AFG2A: variants seen among roughly 807,000 people sequenced by gnomAD.
The protein encoded by AFG2A is ATPase family gene 2 protein homolog A.
the AFG2A span, among the ~76,000 whole-genome samples, chr4:123,262,632 C>T: frequency 6.6e-6 from 1 of 152,182 alleles, no homozygotes; most frequent in African/African-American, 2.4e-5. Flanking sequence ...ATTTTTATAC[C>T]TTTTTCTCTT....
chr4:123,000,165 A>T, the AFG2A span, among the ~76,000 whole-genome samples: 102 of 150,028 alleles, frequency 6.8e-4, no homozygotes, highest in Middle Eastern at 3.4e-3. Flanking sequence ...GTATCCTGGG[A>T]CTTTGCTGAA....
chr4:123,204,532 T>G, the AFG2A span, among the ~76,000 whole-genome samples: 2 of 152,236 alleles, frequency 1.3e-5, no homozygotes. Flanking sequence ...TCATGACTTT[T>G]GCACATTTTC....
At chr4:122,934,359 T>G in the AFG2A span, 1 of 1,614,202 alleles carries the variant, frequency 6.2e-7, no homozygotes, top group East Asian at 2.2e-5. Flanking sequence ...ATAAACCAAT[T>G]GATGACAGAA....
At chr4:123,029,339 T>C in the AFG2A span, among the ~76,000 whole-genome samples, 1 of 152,304 alleles carries the variant, frequency 6.6e-6, no homozygotes, top group Non-Finnish European at 1.5e-5. Flanking sequence ...CCCAAAGTGC[T>C]GGGATTACAG....
chr4:123,091,231 A>C, the AFG2A span, among the ~76,000 whole-genome samples: 1 of 152,194 alleles, frequency 6.6e-6, no homozygotes, highest in Admixed American at 6.5e-5. Flanking sequence ...TATTCTTGAG[A>C]GCTACGATGG....
At chr4:123,211,768 T>A in the AFG2A span, among the ~76,000 whole-genome samples, 6 of 152,118 alleles carry the variant, frequency 3.9e-5, no homozygotes, top group African/African-American at 1.2e-4. Flanking sequence ...TTTGTCCACC[T>A]GCTTCCTGGA....
chr4:123,229,555 G>A, the AFG2A span, among the ~76,000 whole-genome samples: 3 of 151,896 alleles, frequency 2.0e-5, no homozygotes, highest in African/African-American at 7.2e-5. Flanking sequence ...TAAATGTGAG[G>A]AAGTGGTTCA....
At chr4:123,210,145 A>G in the AFG2A span, among the ~76,000 whole-genome samples, 1 of 152,146 alleles carries the variant, frequency 6.6e-6, no homozygotes, top group Non-Finnish European at 1.5e-5. Flanking sequence ...TGATGTTTTG[A>G]TATATATACA....
chr4:123,251,758 G>A, the AFG2A span, among the ~76,000 whole-genome samples: 2 of 151,900 alleles, frequency 1.3e-5, no homozygotes, highest in Non-Finnish European at 2.9e-5. Flanking sequence ...GATTGAAATG[G>A]AGTTTTGAAT....
chr4:123,063,764 A>G, the AFG2A span, among the ~76,000 whole-genome samples: 1 of 151,990 alleles, frequency 6.6e-6, no homozygotes, highest in East Asian at 1.9e-4. Flanking sequence ...AAGAAGAAGA[A>G]GAAGGTTTCA....
chr4:123,012,069 G>T, the AFG2A span, among the ~76,000 whole-genome samples: 1 of 142,038 alleles, frequency 7.0e-6, no homozygotes, highest in Non-Finnish European at 1.5e-5. Flanking sequence ...GAGAAGGGGT[G>T]TGGGGTGCTT....
the AFG2A span, among the ~76,000 whole-genome samples, chr4:123,018,090 A>G: frequency 6.6e-6 from 1 of 151,742 alleles, no homozygotes; most frequent in African/African-American, 2.4e-5. Context: ...GTACAGTTTG[A>G]ATTTTTGTTG....
chr4:123,277,446 C>T, the AFG2A span, among the ~76,000 whole-genome samples: 1 of 152,126 alleles, frequency 6.6e-6, no homozygotes, highest in Non-Finnish European at 1.5e-5. Flanking sequence ...GACTTTGTCT[C>T]TTCCTATTTG....
the AFG2A span, among the ~76,000 whole-genome samples, chr4:123,143,914 G>T: frequency 4.0e-5 from 6 of 150,496 alleles, no homozygotes; most frequent in African/African-American, 1.5e-4. Flanking sequence ...AGAAAGTCAG[G>T]CCTCACCAGC....
chr4:122,944,051 C>T, the AFG2A span, among the ~76,000 whole-genome samples: 3 of 152,232 alleles, frequency 2.0e-5, no homozygotes, highest in Admixed American at 2.0e-4. Context: ...TGACCTTTCT[C>T]TCTGGCTGCT....
chr4:123,065,828 C>G, the AFG2A span, among the ~76,000 whole-genome samples: 1 of 151,844 alleles, frequency 6.6e-6, no homozygotes, highest in Non-Finnish European at 1.5e-5. Flanking sequence ...AAAAAATTAT[C>G]CTAGATATAG....
chr4:123,274,928 T>G, the AFG2A span, among the ~76,000 whole-genome samples: 14 of 152,284 alleles, frequency 9.2e-5, no homozygotes, highest in African/African-American at 3.4e-4. Context: ...ATATGACTTA[T>G]ACACTACATG....
At chr4:122,998,420 C>G in the AFG2A span, among the ~76,000 whole-genome samples, 6 of 151,920 alleles carry the variant, frequency 3.9e-5, no homozygotes, top group African/African-American at 1.5e-4. Context: ...ATTAACTCGT[C>G]ATTTAGCATT....
chr4:122,979,127 C>T, the AFG2A span: 1 of 1,348,772 alleles, frequency 7.4e-7, no homozygotes, highest in Non-Finnish European at 1.0e-6. Flanking sequence ...CCACTGCAGC[C>T]AGTGTCTTCA....
Sources: gnomAD v4.1 joint callset for allele counts (sites outside exome capture counted in the v4.1 genomes callset) on GRCh38, gnomAD v4.1.1 for gene constraint, MANE v1.5 for transcripts, NCBI Gene and HGNC (gene_info 2026-07-23, HGNC 2026-07-21) for gene names.